The following F13B variants were observed in gnomAD, a reference collection of about 807,000 sequenced individuals.
F13B encodes coagulation factor XIII B chain, also known as TGase.
F13B carries 58 observed loss-of-function variants against 79.8 expected under a neutral mutation model. The ratio of observed to expected loss-of-function variants is 0.73; its 90% confidence interval spans 0.59 to 0.90. The LOEUF is 0.90. F13B is among the 40% of genes least tolerant of loss of function. The pLI, the probability that F13B is intolerant of heterozygous loss-of-function variation, is 0.00. For synonymous variants in F13B, 283 were observed against 260.3 expected (o/e 1.09, Z -0.84); for missense variants, 773 against 777.0 (o/e 0.99, Z 0.06).
Position 197,040,730 on chromosome 1 carries a change from A to G in F13B, c.1744T>C (p.Cys582Arg). Residue 582 changes from cysteine (C) to arginine (R), a missense_variant, in exon 11 of 12, where the codon TGC becomes CGC. Cys to Arg is a radical substitution (Grantham distance 180). Coordinates refer to ENST00000367412, the MANE Select transcript of F13B (RefSeq NM_001994.3). ...TCCATTTCAGTAAAAGATAATGTGCATGGCTCTGGGAACAACAATTTAAAA... is the reference window on the plus strand; with the variant it reads ...TCCATTTCAGTAAAAGATAATGTGCGTGGCTCTGGGAACAACAATTTAAAA... The part of the protein sequence containing the change: ...WTTPPLCLEP[C>R]TLSFTEMEKN... 6.2e-7 allele frequency: 1 copy of G among 1,607,406 alleles called. No homozygotes were observed. Among genetic ancestry groups the G allele is most frequent in the South Asian group, 1.1e-5 (1 of 90,702 alleles).
intron 10 of F13B, among the ~76,000 whole-genome samples, chr1:197,042,843 C>T (rs972093302): frequency 4.0e-4 from 60 of 149,780 alleles, no homozygotes; most frequent in Non-Finnish European, 2.1e-4. Flanking sequence ...TTCTATGTGC[C>T]ATTTTTTTCT....
chr1:197,057,532 A>G, intron 5 of F13B, 67 bp from the exon 6 acceptor site: 1 of 1,484,518 alleles, frequency 6.7e-7, no homozygotes, highest in East Asian at 2.5e-5. Context: ...ATTAAATTAA[A>G]ATATTCATCA....
intron 5 of F13B, among the ~76,000 whole-genome samples, chr1:197,058,629 C>T (rs1473650034): frequency 1.3e-5 from 2 of 152,134 alleles, no homozygotes; most frequent in Non-Finnish European, 2.9e-5. Flanking sequence ...CCTCTGCCTC[C>T]CTTTTATAAA....
At position 197,055,635 on chromosome 1, in the gene F13B, A is replaced by C. The variant is rs942725563; in HGVS notation, c.1354+80T>G. ...TGTGAAAAAAGATTTGTACAAAATC[A>C]TCATTTTCATGATATAAAACACTGT... On this transcript the variant is annotated intron_variant, in intron 8 of 11. Coordinates refer to ENST00000367412, the MANE Select transcript of F13B (RefSeq NM_001994.3). 4.9e-6 allele frequency: 7 copies of C among 1,431,868 alleles called. No individual in the cohort carries two copies. In the African/African-American group the frequency reaches 9.8e-5, roughly 20 times the overall value. The allele number at this position is 1,431,868 out of a possible 1,614,324, so 88.7% of individuals were successfully genotyped here.
intron 8 of F13B, 139 bp downstream of exon 8, chr1:197,055,576 A>T: frequency 1.2e-6 from 1 of 865,434 alleles, no homozygotes; most frequent in Admixed American, 2.3e-5. Context: ...TATTTTAGGG[A>T]CTTTCTACTT....
intron 10 of F13B, among the ~76,000 whole-genome samples, chr1:197,045,779 A>T (rs1358217595): frequency 6.6e-6 from 1 of 152,236 alleles, no homozygotes; most frequent in Non-Finnish European, 1.5e-5. Context: ...AATACTGGCA[A>T]ACCAAATCCA....
At chr1:197,064,681 A>G (rs1655985058) in intron 1 of F13B, among the ~76,000 whole-genome samples, 1 of 152,178 alleles carries the variant, frequency 6.6e-6, no homozygotes, top group Admixed American at 6.6e-5. Flanking sequence ...TTTTGTAAAA[A>G]CTATATAAGT....
intron 11 of F13B, 140 bp downstream of exon 11, chr1:197,040,381 TA>T (rs996600016): frequency 1.3e-4 from 83 of 635,766 alleles, no homozygotes; most frequent in Non-Finnish European, 1.7e-4. Context: ...TTGTTTGGTG[TA>T]AAAAAAATGA....
At chr1:197,040,766 A>G in intron 10 of F13B, 31 bp from the exon 11 acceptor site, 3 of 1,529,708 alleles carry the variant, frequency 2.0e-6, no homozygotes, top group Non-Finnish European at 2.7e-6. Context: ...AAAAAGAAAG[A>G]AAAAGAAGAA....
intron 10 of F13B, among the ~76,000 whole-genome samples, chr1:197,050,228 T>C (rs1655394656): frequency 6.6e-6 from 1 of 152,146 alleles, no homozygotes; most frequent in African/African-American, 2.4e-5. Context: ...TATTTACAGA[T>C]GTGCTATTTC....
rs1655839643 is a variant in F13B at position 197,061,021 on chromosome 1, G to A, written c.506C>T (p.Thr169Ile). The change falls in exon 4 of 12, where the codon ACA becomes ATA. Residue 169 changes from threonine to isoleucine, a missense_variant. Physicochemically the swap from Thr to Ile is moderately conservative, Grantham distance 89. Transcript: ENST00000367412. ...TTGTACTTTGTCCTTCACTTTGAAT[G>A]TTTTCTGTGTTGTGGAATAATTTCC... ...YNGNYSTTQK[T>I]FKVKDKVQYE... 1.2e-6 allele frequency: 2 copies of A among 1,603,824 alleles called. No homozygotes were observed. Among genetic ancestry groups the A allele is most frequent in the Non-Finnish European group, 1.7e-6 (2 of 1,171,800 alleles).
chr1:197,050,638 G>T, intron 10 of F13B, 59 bp downstream of exon 10: 1 of 1,476,104 alleles, frequency 6.8e-7, no homozygotes, highest in South Asian at 1.2e-5. Context: ...ACTCAAAAAT[G>T]ACAGCAAATT....
chr1:197,063,360 C>T (rs1655939354), intron 1 of F13B, among the ~76,000 whole-genome samples: 1 of 151,998 alleles, frequency 6.6e-6, no homozygotes, highest in South Asian at 2.1e-4. Context: ...GAGTCTTCCT[C>T]AGTTATCCAA....
At chr1:197,045,577 A>T (rs1180067241) in intron 10 of F13B, among the ~76,000 whole-genome samples, 2 of 151,870 alleles carry the variant, frequency 1.3e-5, no homozygotes, top group African/African-American at 4.9e-5. Context: ...ATTCTACCAA[A>T]GGTACAAAGA....
intron 10 of F13B, among the ~76,000 whole-genome samples, chr1:197,046,489 C>A (rs557670285): frequency 1.3e-5 from 2 of 152,096 alleles, no homozygotes; most frequent in African/African-American, 4.8e-5. Context: ...GAACTACTAA[C>A]CACTGCCCAA....
chr1:197,062,337 A>G (rs530539876), intron 2 of F13B, among the ~76,000 whole-genome samples: 53 of 152,194 alleles, frequency 3.5e-4, no homozygotes, highest in Non-Finnish European at 6.9e-4. Context: ...GATATAAAAT[A>G]ATGAAATGAG....
chr1:197,051,867 T>G (rs767565456), intron 9 of F13B, among the ~76,000 whole-genome samples: 1 of 152,118 alleles, frequency 6.6e-6, no homozygotes, highest in Non-Finnish European at 1.5e-5. Context: ...TTTGATGGTG[T>G]TGTTCGTTTT....
At chr1:197,055,663 G>A (rs1655613369) in intron 8 of F13B, 52 bp downstream of exon 8, 2 of 1,565,996 alleles carry the variant, frequency 1.3e-6, no homozygotes, top group South Asian at 2.2e-5. Context: ...AACACTGTAA[G>A]AAAATCACAT....
rs948761774 is a variant in F13B, at chr1:197,061,072, G to A, written c.455C>T (p.Thr152Ile). 26 of 1,394,614 alleles carry A rather than the reference G, an allele frequency of 1.9e-5. No homozygotes were observed. Among genetic ancestry groups the A allele is most frequent in the Admixed American group, 1.1e-4 (6 of 52,332 alleles). 86.4% of individuals were successfully genotyped at this position (1,394,614 alleles called of 1,614,324 possible). A position where few individuals can be genotyped will look rare whatever the true frequency, so the allele number is the denominator to read the frequency against. ...SQPTCRKEHE[T>I]CLAPELYNGN... ...ATTATATAATTCAGGAGCCAAACAT[G>A]TTTCTAAAATTATAAAAATTATTTA... is the stretch of plus-strand genomic sequence containing the variant. Residue 152 changes from threonine (T) to isoleucine (I), a missense_variant, in exon 4 of 12, where the codon ACA becomes ATA. Transcript: ENST00000367412.
Sources: gnomAD v4.1 joint callset for allele counts (sites outside exome capture counted in the v4.1 genomes callset) on GRCh38, gnomAD v4.1.1 for gene constraint, MANE v1.5 for transcripts, NCBI Gene and HGNC (gene_info 2026-07-23, HGNC 2026-07-21) for gene names.